DUSP16: variants seen among roughly 807,000 people sequenced by gnomAD.
DUSP16 encodes dual specificity phosphatase 16.
A neutral mutation model predicts 58.3 loss-of-function variants in DUSP16; 21 were observed. That is an observed-to-expected ratio of 0.36 (90% CI 0.26 to 0.52). The LOEUF is 0.52. DUSP16 is among the 20% of genes least tolerant of loss of function. The pLI is 0.94. For synonymous variants in DUSP16, 320 were observed against 323.8 expected, an observed-to-expected ratio of 0.99 and a Z score of 0.12; for missense variants, 726 against 819.0, an observed-to-expected ratio of 0.89 and a Z score of 1.39.
At chr12:12,525,666 A>G (rs1335630283) in intron 1 of DUSP16, among the ~76,000 whole-genome samples, 1 of 152,042 alleles carries the variant, frequency 6.6e-6, no homozygotes, top group Non-Finnish European at 1.5e-5. Flanking sequence ...TGAGTCCAAG[A>G]GTTCAAGACC....
At chr12:12,511,771 C>T (rs1368708466) in intron 3 of DUSP16, among the ~76,000 whole-genome samples, 1 of 152,012 alleles carries the variant, frequency 6.6e-6, no homozygotes, top group African/African-American at 2.4e-5. Flanking sequence ...ATCTTCACCC[C>T]CGAGAGCCCA....
At chr12:12,491,017 C>T (rs903189398) in intron 4 of DUSP16, among the ~76,000 whole-genome samples, 2 of 152,166 alleles carry the variant, frequency 1.3e-5, no homozygotes, top group African/African-American at 4.8e-5. Context: ...TGGAGGCAGA[C>T]GTGCTACAGC....
intron 1 of DUSP16, among the ~76,000 whole-genome samples, chr12:12,533,731 T>G (rs1360591763): frequency 6.6e-6 from 1 of 152,224 alleles, no homozygotes; most frequent in Non-Finnish European, 1.5e-5. Context: ...TAAAAGATAC[T>G]GTGGACTAGG....
chr12:12,548,985 C>CA (rs1303898587), intron 1 of DUSP16, among the ~76,000 whole-genome samples: 1 of 151,786 alleles, frequency 6.6e-6, no homozygotes, highest in Non-Finnish European at 1.5e-5. Flanking sequence ...ACCCCTAGGG[C>CA]AAAAAAATGA....
At position 12,562,160 on chromosome 12, in the gene DUSP16, A is replaced by G. The variant is rs1041660029; in HGVS notation, c.-409T>C. The G allele has an allele frequency of 2.0e-5, 3 of 151,752 alleles. No homozygotes were observed. The highest frequency in any genetic ancestry group is 4.4e-5 in the Non-Finnish European group (3 of 67,900). The allele number at this position is 151,752 out of a possible 1,614,324, so 9.4% of individuals were successfully genotyped here. A position where few individuals can be genotyped will look rare whatever the true frequency, so the allele number is the denominator to read the frequency against. ...CCCAATTCCCTCAGAGGGAAACGAA[A>G]GTTGTCACGGCGTCTCCCCTCGGGC... On this transcript the variant is annotated 5_prime_UTR_variant, in exon 1 of 7. Coordinates refer to ENST00000298573, the MANE Select transcript of DUSP16 (RefSeq NM_030640.3).
chr12:12,493,600 C>T (rs879872844), intron 4 of DUSP16, among the ~76,000 whole-genome samples: 3 of 152,138 alleles, frequency 2.0e-5, no homozygotes, highest in Admixed American at 1.3e-4. Flanking sequence ...ACCTCTCTGA[C>T]GACACTCTCC....
At chr12:12,554,752 C>G (rs1049714799) in intron 1 of DUSP16, 6 of 151,784 alleles carry the variant, frequency 4.0e-5, no homozygotes, top group African/African-American at 1.5e-4. Context: ...ATGGTTGTAA[C>G]TATTAAATAT....
intron 3 of DUSP16, among the ~76,000 whole-genome samples, chr12:12,515,070 C>G (rs2136226971): frequency 6.7e-6 from 1 of 150,230 alleles, no homozygotes; most frequent in South Asian, 2.2e-4. Context: ...ACACAAAGGA[C>G]TTTATTAAAA....
intron 4 of DUSP16, among the ~76,000 whole-genome samples, chr12:12,488,031 G>A (rs1249454031): frequency 1.3e-5 from 2 of 152,196 alleles, no homozygotes; most frequent in South Asian, 2.1e-4. Context: ...GAAGTTTGCA[G>A]TGGTTTTCTC....
intron 1 of DUSP16, among the ~76,000 whole-genome samples, chr12:12,542,187 A>G (rs1049480709): frequency 3.3e-5 from 5 of 152,066 alleles, no homozygotes; most frequent in Admixed American, 3.3e-4. Flanking sequence ...TACTAGCCTG[A>G]CCATGGAGAA....
At position 12,514,427 on chromosome 12, in the gene DUSP16, C is replaced by T. The variant is rs144586869; in HGVS notation, c.367+5435G>A. Among the ~76,000 whole-genome samples, 355 of 152,294 alleles carry T rather than the reference C, an allele frequency of 2.3e-3. 1 individual carries two copies. The highest frequency in any genetic ancestry group is 3.3e-3 in the Non-Finnish European group (225 of 68,018). On this transcript the variant is annotated intron_variant, in intron 3 of 6. Transcript: ENST00000298573. Reference sequence around the variant, plus strand: ...TCAGGTAATACCTTTACCACTAGGACCTAGTTTTTCTTCCTCCTGCTCTTT... The same window carrying T: ...TCAGGTAATACCTTTACCACTAGGATCTAGTTTTTCTTCCTCCTGCTCTTT...
chr12:12,557,993 T>C (rs1193551355), intron 1 of DUSP16, among the ~76,000 whole-genome samples: 5 of 152,254 alleles, frequency 3.3e-5, no homozygotes, highest in Admixed American at 2.0e-4. Context: ...CTATGAAGAT[T>C]ACCTCCCTGA....
rs138851556 is a variant in DUSP16 at position 12,556,993 on chromosome 12, G to A, written c.-366+5124C>T. Reference sequence around the variant, plus strand: ...TTTAGCTTCACTTTATGACACTATGGTGATTATTGTTCCTAACAGAGAGTC... The same window carrying A: ...TTTAGCTTCACTTTATGACACTATGATGATTATTGTTCCTAACAGAGAGTC... On this transcript the variant is annotated intron_variant, in intron 1 of 6. Coordinates refer to ENST00000298573, the MANE Select transcript of DUSP16 (RefSeq NM_030640.3). Among the ~76,000 whole-genome samples, 748 of 152,176 alleles carry A rather than the reference G, an allele frequency of 4.9e-3. 12 individuals carry two copies. Among genetic ancestry groups the A allele is most frequent in the African/African-American group, 0.017 (707 of 41,524 alleles).
chr12:12,498,186 T>C (rs1943858302), intron 4 of DUSP16, among the ~76,000 whole-genome samples: 1 of 152,108 alleles, frequency 6.6e-6, no homozygotes, highest in Admixed American at 6.5e-5. Flanking sequence ...GATGATAGGT[T>C]AGTTAATACT....
At position 12,520,927 on chromosome 12, in the gene DUSP16, A is replaced by G. The variant is rs759511111; in HGVS notation, c.172T>C (p.Leu58=). The change falls in exon 2 of 7, where the codon TTG becomes CTG. Residue 58 remains leucine (L), a synonymous_variant. Transcript: ENST00000298573. The part of the protein sequence containing the change: ...INCSKLMKRR[L]QQDKVLITEL... ...GTAATTAACACTTTGTCCTGTTGCA[A>G]CCTTCGCTTCATAAGCTTGGAGCAG... The G allele has an allele frequency of 6.2e-7, 1 of 1,614,214 alleles. No individual in the cohort carries two copies. Among genetic ancestry groups the G allele is most frequent in the South Asian group, 1.1e-5 (1 of 91,086 alleles).
intron 1 of DUSP16, among the ~76,000 whole-genome samples, chr12:12,531,934 G>A (rs1356270648): frequency 6.6e-6 from 1 of 151,876 alleles, no homozygotes; most frequent in East Asian, 1.9e-4. Flanking sequence ...CGAGGCGGGT[G>A]GATCATGAGG....
intron 1 of DUSP16, among the ~76,000 whole-genome samples, chr12:12,556,294 G>A (rs931613800): frequency 6.6e-6 from 1 of 151,896 alleles, no homozygotes. Flanking sequence ...ACAGTGGCTT[G>A]TGCCTGTAAT....
chr12:12,498,395 T>A lies in DUSP16; in HGVS notation c.531+2124A>T, dbSNP rs1294334757. On this transcript the variant is annotated intron_variant, in intron 4 of 6. Coordinates refer to ENST00000298573, the MANE Select transcript of DUSP16 (RefSeq NM_030640.3). ...CAAACATGCATTTCTTTATTTTATT[T>A]TTTATTATTTATTTATTTATTTATT... 3.6e-5 allele frequency among the ~76,000 whole-genome samples: 5 copies of A among 139,970 alleles called. No homozygotes were observed. The East Asian group carries it at 6.2e-4, about 17-fold the overall frequency. The allele number at this position is 139,970 out of a possible 152,430, so 91.8% of individuals were successfully genotyped here.
At chr12:12,548,666 GA>G (rs200135394) in intron 1 of DUSP16, among the ~76,000 whole-genome samples, 6,639 of 140,038 alleles carry the variant, frequency 0.047, 204 homozygotes, top group East Asian at 0.15. Context: ...AAAAGAAAAA[GA>G]AAAAAAAGAA....
Sources: gnomAD v4.1 joint callset for allele counts (sites outside exome capture counted in the v4.1 genomes callset) on GRCh38, gnomAD v4.1.1 for gene constraint, MANE v1.5 for transcripts, NCBI Gene and HGNC (gene_info 2026-07-23, HGNC 2026-07-21) for gene names.